Variants in FCRL2 observed in about 807,000 individuals in gnomAD.
The protein encoded by FCRL2 is Fc receptor like 2, also known as Fc receptor-like protein 2.
FCRL2 carries 48 observed loss-of-function variants against 59.8 expected under a neutral mutation model. That is an observed-to-expected ratio of 0.80 (90% CI 0.64 to 1.02). FCRL2 has a LOEUF of 1.02. FCRL2 is among the 50% of genes least tolerant of loss of function. The pLI is 0.00. For synonymous variants in FCRL2, 251 were observed against 229.5 expected (o/e 1.09, Z -0.85); for missense variants, 658 against 597.3 (o/e 1.10, Z -1.06).
chr1:157,755,164 C>T (rs1368355915), intron 7 of FCRL2, among the ~76,000 whole-genome samples: 1 of 152,100 alleles, frequency 6.6e-6, no homozygotes, highest in Non-Finnish European at 1.5e-5. Context: ...GGACACTTTT[C>T]ACTCTTCATA....
chr1:157,770,513 A>G lies in FCRL2; in HGVS notation c.206T>C (p.Ile69Thr), dbSNP rs1265117804. ...SVFKKFSDFL[I>T]QSAVLSDSGN... ...ACTGTCACTTAAAACTGCACTTTGGATAAGGAAATCTGAGAATTTTTTGAA... is the reference window on the plus strand; with the variant it reads ...ACTGTCACTTAAAACTGCACTTTGGGTAAGGAAATCTGAGAATTTTTTGAA... Residue 69 changes from isoleucine to threonine, a missense_variant, in exon 3 of 12, where the codon ATC (isoleucine) becomes ACC (threonine). Ile to Thr is a moderately conservative substitution (Grantham distance 89, BLOSUM62 -1). Transcript: ENST00000361516. The G allele has an allele frequency of 1.4e-5, 23 of 1,614,098 alleles. No individual in the cohort carries two copies. The highest frequency in any genetic ancestry group is 1.9e-5 in the Non-Finnish European group (22 of 1,180,038).
intron 2 of FCRL2, among the ~76,000 whole-genome samples, chr1:157,774,278 G>T (rs141679296): frequency 3.3e-5 from 5 of 152,254 alleles, no homozygotes; most frequent in Non-Finnish European, 7.4e-5. Flanking sequence ...GCAGGGGATT[G>T]TAATTCTCAA....
intron 7 of FCRL2, among the ~76,000 whole-genome samples, chr1:157,760,533 C>A (rs532854567): frequency 6.6e-6 from 1 of 151,234 alleles, no homozygotes; most frequent in Non-Finnish European, 1.5e-5. Flanking sequence ...GAGGCTGAGG[C>A]GAGAAAATCG....
At position 157,768,676 on chromosome 1, in the gene FCRL2, C is replaced by T; in HGVS notation, c.621G>A (p.Leu207=). ...CCTGTCCCCCGGGGGCCCGGATCTC[C>T]AAGCTTACATTAGAGATGGGGATTC... is the stretch of plus-strand genomic sequence containing the variant. ...VQRIPISNVS[L]EIRAPGGQVT... Residue 207 remains leucine (L), a synonymous_variant, in exon 5 of 12, where the codon TTG becomes TTA. Transcript: ENST00000361516. The T allele has an allele frequency of 6.2e-7, 1 of 1,612,874 alleles. No homozygotes were observed. Among genetic ancestry groups the T allele is most frequent in the South Asian group, 1.1e-5 (1 of 90,924 alleles).
At chr1:157,760,921 C>A (rs925169798) in intron 7 of FCRL2, among the ~76,000 whole-genome samples, 2 of 152,054 alleles carry the variant, frequency 1.3e-5, no homozygotes, top group Non-Finnish European at 2.9e-5. Flanking sequence ...ATGTAACAAA[C>A]CTGCACATGT....
intron 7 of FCRL2, among the ~76,000 whole-genome samples, chr1:157,759,207 T>A (rs915500341): frequency 6.6e-6 from 1 of 152,192 alleles, no homozygotes. Flanking sequence ...GTTTGCTTCC[T>A]CTTCTGTCAT....
At chr1:157,768,256 G>A (rs2101740051) in intron 5 of FCRL2, 158 bp downstream of exon 5, 1 of 642,396 alleles carries the variant, frequency 1.6e-6, no homozygotes, top group South Asian at 2.1e-5. Context: ...AAAAGAAACA[G>A]GTCAGCAGTC....
At chr1:157,774,159 G>A (rs1384524626) in intron 2 of FCRL2, among the ~76,000 whole-genome samples, 2 of 152,248 alleles carry the variant, frequency 1.3e-5, no homozygotes, top group African/African-American at 2.4e-5. Context: ...TGAGTGCAGT[G>A]TATGGGTGGG....
chr1:157,756,408 C>A (rs1476993537), intron 7 of FCRL2, among the ~76,000 whole-genome samples: 1 of 152,174 alleles, frequency 6.6e-6, no homozygotes, highest in East Asian at 1.9e-4. Context: ...TCTGGCCAGG[C>A]ATGGTGACTC....
intron 7 of FCRL2, among the ~76,000 whole-genome samples, chr1:157,753,949 T>C (rs941619893): frequency 2.0e-5 from 3 of 152,124 alleles, no homozygotes; most frequent in Non-Finnish European, 4.4e-5. Flanking sequence ...TACCATAGGG[T>C]ATTATAAAGG....
At chr1:157,746,992 TTA>T in intron 10 of FCRL2, 93 bp from the exon 11 acceptor site, 2 of 1,294,384 alleles carry the variant, frequency 1.5e-6, no homozygotes, top group Non-Finnish European at 2.2e-6. Context: ...ACTACTATGC[TTA>T]GTATGTGGAA....
rs1262755844 is a variant in FCRL2, at chr1:157,770,104, G to C, written c.357C>G (p.Ile119Met). 52 of 1,614,040 alleles carry C rather than the reference G, an allele frequency of 3.2e-5. No individual in the cohort carries two copies. The highest frequency in any genetic ancestry group is 4.2e-5 in the Non-Finnish European group (50 of 1,180,042). ...ATTTCAGGCTCACTGGACCCCCTTC[G>C]ATGGGCTGGAAGGAGCTGGCAGTCA... ...PVLTASSFQP[I>M]EGGPVSLKCE... The change falls in exon 4 of 12, where the codon ATC becomes ATG. Residue 119 changes from isoleucine to methionine, a missense_variant. Coordinates refer to ENST00000361516, the MANE Select transcript of FCRL2 (RefSeq NM_030764.4).
At chr1:157,754,713 C>A (rs1045705805) in intron 7 of FCRL2, among the ~76,000 whole-genome samples, 4 of 152,022 alleles carry the variant, frequency 2.6e-5, no homozygotes, top group Non-Finnish European at 5.9e-5. Flanking sequence ...CACCTGTAAT[C>A]CCAGTACTTA....
At chr1:157,751,275 G>T (rs905303724) in intron 7 of FCRL2, among the ~76,000 whole-genome samples, 12 of 152,198 alleles carry the variant, frequency 7.9e-5, no homozygotes, top group African/African-American at 2.7e-4. Flanking sequence ...CAAAGGGCTG[G>T]CTCCCAAGTC....
chr1:157,767,797 A>G, intron 5 of FCRL2: 1 of 1,045,142 alleles, frequency 9.6e-7, no homozygotes, highest in Admixed American at 3.3e-5. Context: ...TTTCTTTTGT[A>G]TCCTATAATT....
intron 2 of FCRL2, 110 bp from the exon 3 acceptor site, chr1:157,770,776 G>A: frequency 8.4e-7 from 1 of 1,194,942 alleles, no homozygotes. Flanking sequence ...TAAACAAGAT[G>A]GAAGTTCCAA....
At chr1:157,756,182 T>C (rs761239653) in intron 7 of FCRL2, among the ~76,000 whole-genome samples, 1 of 152,212 alleles carries the variant, frequency 6.6e-6, no homozygotes, top group East Asian at 1.9e-4. Context: ...TATATTTCTA[T>C]GCTGTGCAAA....
Position 157,768,717 on chromosome 1 carries a change from A to G in FCRL2, c.596-16T>C. 6.3e-7 allele frequency: 1 copy of G among 1,584,470 alleles called. No individual in the cohort carries two copies. Among genetic ancestry groups the G allele is most frequent in the Non-Finnish European group, 8.6e-7 (1 of 1,165,744 alleles). ...ATGGGGATTCCTAGATGGATATAAG[A>G]CAACAGGTGAGAACTCTAAGGGAAA... On this transcript the variant is annotated splice_polypyrimidine_tract_variant and intron_variant, in intron 4 of 11. Coordinates refer to ENST00000361516, the MANE Select transcript of FCRL2 (RefSeq NM_030764.4).
At position 157,757,024 on chromosome 1, in the gene FCRL2, C is replaced by T. The variant is rs573757390; in HGVS notation, c.1280-7347G>A. 2.0e-5 allele frequency among the ~76,000 whole-genome samples: 3 copies of T among 152,208 alleles called. No homozygotes were observed. In the South Asian group the frequency reaches 6.2e-4, roughly 32 times the overall value. On this transcript the variant is annotated intron_variant, in intron 7 of 11. Transcript: ENST00000361516. The stretch of plus-strand genomic sequence containing the variant: ...TGGTACATCCATGCAGTAAAGGTTC[C>T]CAATTTGTTCCTATCTTCTTGTATG...
Sources: allele counts gnomAD v4.1 joint callset (sites outside exome capture counted in the v4.1 genomes callset), GRCh38; gene constraint gnomAD v4.1.1; transcripts MANE v1.5; gene names NCBI Gene and HGNC (gene_info 2026-07-23, HGNC 2026-07-21).